The following KCNH8 variants were observed in gnomAD, a reference collection of about 807,000 sequenced individuals.
The protein encoded by KCNH8 is voltage-gated delayed rectifier potassium channel KCNH8.
KCNH8 carries 70 observed loss-of-function variants against 103.6 expected under a neutral mutation model. The ratio of observed to expected loss-of-function variants is 0.68; its 90% CI spans 0.56 to 0.82. The LOEUF (loss-of-function observed/expected upper bound fraction) is 0.82, where lower values mean the gene tolerates loss of function less well. KCNH8 is among the 40% of genes least tolerant of loss of function. The pLI, the probability that KCNH8 is intolerant of heterozygous loss-of-function variation, is 0.00. For missense variants in KCNH8, 1,217 were observed against 1,329.9 expected (o/e 0.92, Z 1.32); for synonymous variants, 498 against 489.4 (o/e 1.02, Z -0.23).
At chr3:19,530,098 C>G (rs2069134280) in intron 15 of KCNH8, among the ~76,000 whole-genome samples, 1 of 151,940 alleles carries the variant, frequency 6.6e-6, no homozygotes, top group South Asian at 2.1e-4. Flanking sequence ...TATGTGGGAG[C>G]TAGAAAAATG....
chr3:19,497,136 T>C lies in KCNH8; in HGVS notation c.2041-13227T>C, dbSNP rs992515719. On this transcript the variant is annotated intron_variant, in intron 11 of 15. Coordinates refer to ENST00000328405, the MANE Select transcript of KCNH8 (RefSeq NM_144633.3). The stretch of plus-strand genomic sequence containing the variant: ...TCTAATTGTGTTTATTTGGCTCTTC[T>C]CTCTTCTTTCCTTTGTTAGTCTAGC... Among the ~76,000 whole-genome samples, 13 of 152,284 alleles carry C rather than the reference T, an allele frequency of 8.5e-5. No individual in the cohort carries two copies. The South Asian group carries it at 1.9e-3, about 22-fold the overall frequency.
intron 3 of KCNH8, among the ~76,000 whole-genome samples, chr3:19,316,318 C>T (rs1227169730): frequency 6.6e-6 from 1 of 151,682 alleles, no homozygotes; most frequent in Admixed American, 6.6e-5. Flanking sequence ...TTTAAACAAC[C>T]AAAACTATCT....
intron 1 of KCNH8, among the ~76,000 whole-genome samples, chr3:19,160,349 T>G (rs77311318): frequency 0.058 from 8,764 of 152,164 alleles, 814 homozygotes; most frequent in African/African-American, 0.19. Context: ...GTAAGAGTTT[T>G]TTATGATATA....
At chr3:19,461,648 G>A (rs2067631018) in intron 11 of KCNH8, among the ~76,000 whole-genome samples, 1 of 152,070 alleles carries the variant, frequency 6.6e-6, no homozygotes, top group South Asian at 2.1e-4. Flanking sequence ...AAAGTCATGT[G>A]GCCACTCTGC....
chr3:19,256,270 A>G (rs2064345104), intron 2 of KCNH8, among the ~76,000 whole-genome samples: 1 of 152,148 alleles, frequency 6.6e-6, no homozygotes, highest in East Asian at 1.9e-4. Flanking sequence ...GATTTTGGAT[A>G]TATAGTAGTT....
At chr3:19,288,817 A>G (rs2064874474) in intron 3 of KCNH8, among the ~76,000 whole-genome samples, 1 of 152,190 alleles carries the variant, frequency 6.6e-6, no homozygotes, top group Non-Finnish European at 1.5e-5. Context: ...TGACTTCCAC[A>G]ATGGTTGAAC....
chr3:19,376,201 G>A (rs1353453126), intron 5 of KCNH8, among the ~76,000 whole-genome samples: 1 of 152,166 alleles, frequency 6.6e-6, no homozygotes, highest in Non-Finnish European at 1.5e-5. Flanking sequence ...CCCCAGCCTC[G>A]CTGCCGCCTT....
At chr3:19,470,159 A>T (rs986185420) in intron 11 of KCNH8, among the ~76,000 whole-genome samples, 1 of 152,204 alleles carries the variant, frequency 6.6e-6, no homozygotes, top group Admixed American at 6.5e-5. Flanking sequence ...GTAATTCAGA[A>T]TGAGGACATT....
chr3:19,183,482 A>G (rs531945184), intron 1 of KCNH8, among the ~76,000 whole-genome samples: 1 of 152,322 alleles, frequency 6.6e-6, no homozygotes, highest in Admixed American at 6.5e-5. Context: ...ATATTTATAA[A>G]AACTGATATA....
intron 3 of KCNH8, among the ~76,000 whole-genome samples, chr3:19,296,532 C>A (rs1352590854): frequency 1.3e-5 from 2 of 152,232 alleles, no homozygotes; most frequent in Non-Finnish European, 2.9e-5. Flanking sequence ...TCTGTGAAAA[C>A]AGATGCCATG....
At chr3:19,328,481 G>T (rs139038744) in intron 3 of KCNH8, among the ~76,000 whole-genome samples, 1,699 of 152,066 alleles carry the variant, frequency 0.011, 11 homozygotes, top group Non-Finnish European at 0.018. Flanking sequence ...ACTGTAAATA[G>T]AACTAAACAA....
At chr3:19,446,949 G>C (rs1428279933) in intron 8 of KCNH8, among the ~76,000 whole-genome samples, 3 of 151,888 alleles carry the variant, frequency 2.0e-5, no homozygotes, top group Admixed American at 1.3e-4. Context: ...TTCCTTCCAA[G>C]ACCTGATACT....
chr3:19,154,229 T>C (rs2063158730), intron 1 of KCNH8, among the ~76,000 whole-genome samples: 1 of 152,084 alleles, frequency 6.6e-6, no homozygotes. Flanking sequence ...AAAAACAATA[T>C]TCTATTTAAT....
intron 2 of KCNH8, among the ~76,000 whole-genome samples, chr3:19,258,947 C>CTCTATATATATA (rs1321918245): frequency 8.9e-4 from 22 of 24,800 alleles, no homozygotes; most frequent in South Asian, 1.5e-3. Context: ...CTCTCTCTCT[C>CTCTATATATATA]TATATATATA....
intron 3 of KCNH8, among the ~76,000 whole-genome samples, chr3:19,326,361 ATAT>A (rs1324172865): frequency 1.2e-5 from 1 of 80,360 alleles, no homozygotes; most frequent in African/African-American, 6.3e-5. Flanking sequence ...AGTTAAATAT[ATAT>A]ATATATATAT....
In KCNH8 at chr3:19,503,305, T is replaced by C. The variant is rs1237136105; in HGVS notation, c.2041-7058T>C. Among the ~76,000 whole-genome samples, 7 of 151,940 alleles carry C rather than the reference T, an allele frequency of 4.6e-5. 1 individual carries two copies. The highest frequency in any genetic ancestry group is 1.5e-5 in the Non-Finnish European group (1 of 67,898). ...AGGTGCTGGAGAGGATGTGGAGAAA[T>C]AGGAACACTTTTACACTGTTGGTGG... On this transcript the variant is annotated intron_variant, in intron 11 of 15. Coordinates refer to ENST00000328405, the MANE Select transcript of KCNH8 (RefSeq NM_144633.3).
In KCNH8 at chr3:19,278,566, GAGGA is replaced by G. The variant is rs200278217; in HGVS notation, c.311-2628_311-2625del. ...GGGAGGAAGGGAGGGAGGGAGGGAG[GAGGA>G]AGGGAGGGAGGGAAGGAAGGAAATA... is the stretch of plus-strand genomic sequence containing the variant. On this transcript the variant is annotated intron_variant, in intron 2 of 15. Coordinates refer to ENST00000328405, the MANE Select transcript of KCNH8 (RefSeq NM_144633.3). Among the ~76,000 whole-genome samples, 301 of 133,732 alleles carry G rather than the reference GAGGA, an allele frequency of 2.3e-3. 3 individuals are homozygous for G. Among genetic ancestry groups the G allele is most frequent in the African/African-American group, 8.1e-3 (284 of 35,264 alleles). The allele number at this position is 133,732 out of a possible 152,430, so 87.7% of individuals were successfully genotyped here.
intron 1 of KCNH8, among the ~76,000 whole-genome samples, chr3:19,221,251 A>G (rs1246490459): frequency 6.6e-6 from 1 of 152,208 alleles, no homozygotes; most frequent in African/African-American, 2.4e-5. Flanking sequence ...TACTTGAGAT[A>G]CCTGCTTCAT....
intron 2 of KCNH8, among the ~76,000 whole-genome samples, chr3:19,258,570 C>T (rs916883488): frequency 1.3e-5 from 2 of 151,934 alleles, no homozygotes; most frequent in African/African-American, 4.8e-5. Context: ...CTACCTGAAT[C>T]CTGAACTTAA....
Sources: gnomAD v4.1 joint callset for allele counts (sites outside exome capture counted in the v4.1 genomes callset) on GRCh38, gnomAD v4.1.1 for gene constraint, MANE v1.5 for transcripts, NCBI Gene and HGNC (gene_info 2026-07-23, HGNC 2026-07-21) for gene names.